The following RABEP1 variants were observed in gnomAD, a reference collection of about 807,000 sequenced individuals.
RABEP1 encodes the protein rabaptin, RAB GTPase binding effector protein 1, also known as rab GTPase-binding effector protein 1.
Under a neutral mutation model 123.4 loss-of-function variants are expected in RABEP1, and 51 were observed. The observed-to-expected ratio is 0.41, with a 90% CI of 0.33 to 0.52. The LOEUF is 0.52. RABEP1 is among the 20% of genes least tolerant of loss of function. The pLI is 0.16. For missense variants in RABEP1, 888 were observed against 996.3 expected (o/e 0.89, Z 1.46); for synonymous variants, 347 against 355.2 (o/e 0.98, Z 0.26).
chr17:5,309,844 C>T (rs569437065), intron 2 of RABEP1, among the ~76,000 whole-genome samples: 4 of 152,234 alleles, frequency 2.6e-5, no homozygotes, highest in Non-Finnish European at 4.4e-5. Context: ...GCATCATTAT[C>T]GTCATCATCA....
intron 1 of RABEP1, among the ~76,000 whole-genome samples, chr17:5,292,154 C>CT (rs2075039654): frequency 6.6e-6 from 1 of 152,180 alleles, no homozygotes; most frequent in African/African-American, 2.4e-5. Flanking sequence ...CTGACGATGT[C>CT]TGTTAGTCTC....
At chr17:5,323,419 T>C (rs1468824837) in intron 2 of RABEP1, among the ~76,000 whole-genome samples, 2 of 152,132 alleles carry the variant, frequency 1.3e-5, no homozygotes, top group East Asian at 3.8e-4. Context: ...GTTTGTCTTG[T>C]TCACAGATGA....
intron 1 of RABEP1, chr17:5,283,778 C>T (rs575252521): frequency 2.0e-5 from 3 of 152,278 alleles, no homozygotes; most frequent in African/African-American, 7.2e-5. Flanking sequence ...AAATGTGCTT[C>T]AGAGCCTGTT....
At chr17:5,330,353 G>A (rs1906415466) in intron 2 of RABEP1, among the ~76,000 whole-genome samples, 1 of 152,188 alleles carries the variant, frequency 6.6e-6, no homozygotes, top group African/African-American at 2.4e-5. Context: ...TGTTGAGAGA[G>A]TAAAGATTTC....
In RABEP1 at chr17:5,368,441, G is replaced by C. The variant is rs1452642093; in HGVS notation, c.1857G>C (p.Gln619His). The change falls in exon 12 of 18, where the codon CAG becomes CAC. Residue 619 changes from glutamine (Q) to histidine (H), a missense_variant. Transcript: ENST00000537505. Reference sequence around the variant, plus strand: ...AAGAGTTACAGCAGGGGCTTTCCCAGGCAAAGAGGGATGTTCAGGAACAGA... The same window carrying C: ...AAGAGTTACAGCAGGGGCTTTCCCACGCAAAGAGGGATGTTCAGGAACAGA... ...LLEELQQGLS[Q>H]AKRDVQEQMA... 2.5e-6 allele frequency: 4 copies of C among 1,613,196 alleles called. No individual in the cohort carries two copies. Among genetic ancestry groups the C allele is most frequent in the Middle Eastern group, 1.7e-4 (1 of 6,060 alleles).
At chr17:5,356,241 A>C (rs552521990) in intron 8 of RABEP1, among the ~76,000 whole-genome samples, 56 of 152,174 alleles carry the variant, frequency 3.7e-4, no homozygotes, top group Non-Finnish European at 6.2e-4. Flanking sequence ...CTGTAATCCC[A>C]GCTACTCAGG....
At chr17:5,298,768 GC>G (rs2075106404) in intron 1 of RABEP1, among the ~76,000 whole-genome samples, 1 of 150,946 alleles carries the variant, frequency 6.6e-6, no homozygotes, top group Non-Finnish European at 1.5e-5. Context: ...CCTTTCTCCT[GC>G]CTCAGCCTTC....
intron 1 of RABEP1, among the ~76,000 whole-genome samples, chr17:5,301,758 C>G (rs2075136875): frequency 6.6e-6 from 1 of 151,338 alleles, no homozygotes; most frequent in Non-Finnish European, 1.5e-5. Context: ...TAGGCCTAAC[C>G]AATAACTTTG....
At chr17:5,354,997 G>A (rs1308106292) in intron 8 of RABEP1, among the ~76,000 whole-genome samples, 1 of 152,194 alleles carries the variant, frequency 6.6e-6, no homozygotes, top group African/African-American at 2.4e-5. Context: ...ACCTGGAAGT[G>A]TTAGGTGTTC....
At chr17:5,308,607 G>A in intron 1 of RABEP1, 87 bp from the exon 2 acceptor site, 4 of 1,100,006 alleles carry the variant, frequency 3.6e-6, no homozygotes, top group Non-Finnish European at 4.9e-6. Context: ...TTCACGTATA[G>A]CAATGTACAG....
intron 6 of RABEP1, among the ~76,000 whole-genome samples, chr17:5,347,199 C>T (rs555331753): frequency 3.0e-4 from 46 of 152,242 alleles, no homozygotes; most frequent in African/African-American, 1.0e-3. Context: ...CACCTAAGGT[C>T]AGGAGTTTGA....
At chr17:5,285,488 C>G (rs2074969156) in intron 1 of RABEP1, among the ~76,000 whole-genome samples, 1 of 152,028 alleles carries the variant, frequency 6.6e-6, no homozygotes, top group South Asian at 2.1e-4. Context: ...TGATTGTTTC[C>G]TGTTAGTTAC....
rs562971047 is a variant in RABEP1, at chr17:5,338,639, A to G, written c.648+501A>G. Among the ~76,000 whole-genome samples the G allele has an allele frequency of 1.5e-4, 23 of 152,352 alleles. No homozygotes were observed. The East Asian group carries it at 4.2e-3, about 28-fold the overall frequency. On this transcript the variant is annotated intron_variant, in intron 5 of 17. Transcript: ENST00000537505. ...TTTTGCTCTTATGGACATTTAAAAT[A>G]ATCACAATAATGATGTTTTATCACA...
At chr17:5,380,835 G>A (rs973881596) in intron 16 of RABEP1, among the ~76,000 whole-genome samples, 5 of 152,208 alleles carry the variant, frequency 3.3e-5, no homozygotes, top group African/African-American at 7.2e-5. Context: ...GATGAGTTCC[G>A]TTAGAATAAA....
chr17:5,357,332 G>C (rs971510729), intron 8 of RABEP1, among the ~76,000 whole-genome samples: 2 of 152,074 alleles, frequency 1.3e-5, no homozygotes, highest in Non-Finnish European at 2.9e-5. Flanking sequence ...GCGTGTCAAT[G>C]TACCATAATT....
At chr17:5,323,335 A>G (rs377539427) in intron 2 of RABEP1, among the ~76,000 whole-genome samples, 2 of 152,168 alleles carry the variant, frequency 1.3e-5, no homozygotes, top group African/African-American at 4.8e-5. Flanking sequence ...TATTTAATAT[A>G]GTATTGGAAA....
intron 1 of RABEP1, among the ~76,000 whole-genome samples, chr17:5,284,666 A>G (rs982406557): frequency 6.6e-6 from 1 of 152,098 alleles, no homozygotes; most frequent in Non-Finnish European, 1.5e-5. Context: ...GCGTTTTGCC[A>G]TGTTGCCTAG....
intron 1 of RABEP1, among the ~76,000 whole-genome samples, chr17:5,283,452 A>G (rs1381871252): frequency 6.6e-6 from 1 of 152,170 alleles, no homozygotes; most frequent in Non-Finnish European, 1.5e-5. Context: ...CAGATTGACT[A>G]CATGGTTCCA....
intron 2 of RABEP1, among the ~76,000 whole-genome samples, chr17:5,312,789 A>G (rs1184203340): frequency 6.6e-6 from 1 of 152,132 alleles, no homozygotes; most frequent in African/African-American, 2.4e-5. Context: ...CATCATTTCA[A>G]GATGTATTGT....
Sources: allele counts gnomAD v4.1 joint callset (sites outside exome capture counted in the v4.1 genomes callset), GRCh38; gene constraint gnomAD v4.1.1; transcripts MANE v1.5; gene names NCBI Gene and HGNC (gene_info 2026-07-23, HGNC 2026-07-21).